Variants in MVB12B observed in about 807,000 individuals in gnomAD.
The protein encoded by MVB12B is multivesicular body subunit 12B.
MVB12B carries 16 observed loss-of-function variants against 41.6 expected under a neutral mutation model. The observed-to-expected ratio is 0.38, with a 90% CI of 0.26 to 0.58. The LOEUF is 0.58. MVB12B is among the 20% of genes least tolerant of loss of function. The pLI is 0.62. For synonymous variants in MVB12B, 133 were observed against 139.7 expected (o/e 0.95, Z 0.34); for missense variants, 274 against 380.2 (o/e 0.72, Z 2.32).
Position 126,376,332 on chromosome 9 carries a change from C to T in MVB12B, c.205-4732C>T, listed in dbSNP as rs560687979. The T allele has an allele frequency of 2.1e-5, 8 of 390,240 alleles. No homozygotes were observed. The East Asian group carries it at 2.9e-4, about 14-fold the overall frequency. 24.2% of individuals were successfully genotyped at this position (390,240 alleles called of 1,614,324 possible). ...TCTCTGTCCTGAGCCGGCACTGTTT[C>T]CCCCTATTCTCTTTGCTACCTTCAA... On this transcript the variant is annotated intron_variant, in intron 2 of 9. Coordinates refer to ENST00000361171, the MANE Select transcript of MVB12B (RefSeq NM_033446.3). The surrounding 1 kb of genome is among the most constrained non-coding windows in gnomAD (Gnocchi z 4.1).
chr9:126,376,236 A>G lies in MVB12B; in HGVS notation c.205-4828A>G, dbSNP rs1051873694. ...TGTTCCTTTTTAAAAACGTTTTCATAATACTCTGTTCTTGTTTGGTATTTG... is the reference window on the plus strand; with the variant it reads ...TGTTCCTTTTTAAAAACGTTTTCATGATACTCTGTTCTTGTTTGGTATTTG... On this transcript the variant is annotated intron_variant, in intron 2 of 9. Transcript: ENST00000361171. The surrounding 1 kb of genome is among the most constrained non-coding windows in gnomAD (Gnocchi z 4.1). 1.3e-5 allele frequency among the ~76,000 whole-genome samples: 2 copies of G among 152,092 alleles called. No individual in the cohort carries two copies. Among genetic ancestry groups the G allele is most frequent in the African/African-American group, 4.8e-5 (2 of 41,396 alleles).
At chr9:126,354,600 G>A (rs1829833239) in intron 2 of MVB12B, among the ~76,000 whole-genome samples, 1 of 152,206 alleles carries the variant, frequency 6.6e-6, no homozygotes, top group Non-Finnish European at 1.5e-5. Context: ...ACAATTAGAT[G>A]TCATGTGCCT....
intron 2 of MVB12B, among the ~76,000 whole-genome samples, chr9:126,363,970 TGAGGAGGAG>T (rs886753561): frequency 6.6e-6 from 1 of 152,130 alleles, no homozygotes; most frequent in Non-Finnish European, 1.5e-5. Flanking sequence ...CTGAGCCCCA[TGAGGAGGAG>T]GCCACAGAGC....
intron 7 of MVB12B, among the ~76,000 whole-genome samples, chr9:126,461,733 AGGCGTGGAGGTGGGAGCCTG>A (rs1283020626): frequency 6.6e-6 from 1 of 151,854 alleles, no homozygotes; most frequent in Non-Finnish European, 1.5e-5. Flanking sequence ...AAGGGAACCC[AGGCGTGGAGGTGGGAGCCTG>A]GGCGTGGAGG....
intron 4 of MVB12B, among the ~76,000 whole-genome samples, chr9:126,388,039 C>T (rs913566111): frequency 1.1e-4 from 17 of 152,170 alleles, no homozygotes; most frequent in Non-Finnish European, 1.5e-4. Context: ...ACTCACATAC[C>T]GTGCAATTCA....
At chr9:126,488,403 G>A (rs1027381938) in intron 9 of MVB12B, among the ~76,000 whole-genome samples, 7 of 151,100 alleles carry the variant, frequency 4.6e-5, no homozygotes, top group Non-Finnish European at 1.0e-4. Flanking sequence ...TTCAGGTTCA[G>A]GGGCATAGAC....
At chr9:126,393,698 C>T (rs1316290695) in intron 5 of MVB12B, among the ~76,000 whole-genome samples, 1 of 152,238 alleles carries the variant, frequency 6.6e-6, no homozygotes, top group African/African-American at 2.4e-5. Flanking sequence ...TCACTGTCTT[C>T]AGTCAACTGA....
chr9:126,430,243 C>G (rs1264288490), intron 7 of MVB12B, among the ~76,000 whole-genome samples: 1 of 152,176 alleles, frequency 6.6e-6, no homozygotes, highest in African/African-American at 2.4e-5. Flanking sequence ...GACCTCAGAC[C>G]TCACCTGCCT....
At position 126,459,220 on chromosome 9, in the gene MVB12B, C is replaced by T. The variant is rs575370700; in HGVS notation, c.758-22149C>T. The stretch of plus-strand genomic sequence containing the variant: ...ATTTCTTGATGCCTTGTCGTAAACT[C>T]AGAGTGTCACGAGCCTGGCCTGCTG... On this transcript the variant is annotated intron_variant, in intron 7 of 9. Coordinates refer to ENST00000361171, the MANE Select transcript of MVB12B (RefSeq NM_033446.3). This position sits in a 1 kb window ranked among gnomAD's most constrained non-coding sequence, Gnocchi z 4.3. 1.3e-5 allele frequency among the ~76,000 whole-genome samples: 2 copies of T among 152,346 alleles called. No homozygotes were observed. Among genetic ancestry groups the T allele is most frequent in the East Asian group, 3.9e-4 (2 of 5,176 alleles).
Position 126,449,070 on chromosome 9 carries a change from C to T in MVB12B, c.757+27122C>T, listed in dbSNP as rs569586856. Reference sequence around the variant, plus strand: ...GGCTGGACATGATCCCATAACTTGCCAATGCTCCCGTCAGCTGCCCAGTTC... The same window carrying T: ...GGCTGGACATGATCCCATAACTTGCTAATGCTCCCGTCAGCTGCCCAGTTC... On this transcript the variant is annotated intron_variant, in intron 7 of 9. Coordinates refer to ENST00000361171, the MANE Select transcript of MVB12B (RefSeq NM_033446.3). 4.6e-5 allele frequency among the ~76,000 whole-genome samples: 7 copies of T among 151,972 alleles called. No individual in the cohort carries two copies. In the South Asian group the frequency reaches 1.2e-3, roughly 27 times the overall value.
chr9:126,437,594 TG>T (rs1443878447), intron 7 of MVB12B, among the ~76,000 whole-genome samples: 1 of 152,238 alleles, frequency 6.6e-6, no homozygotes, highest in Non-Finnish European at 1.5e-5. Context: ...GAGACAGTTG[TG>T]GGGATTTTAA....
chr9:126,381,736 G>A (rs1365695433), intron 3 of MVB12B, among the ~76,000 whole-genome samples: 1 of 149,898 alleles, frequency 6.7e-6, no homozygotes, highest in South Asian at 2.1e-4. Flanking sequence ...ACCTACTAAG[G>A]TTTTTTTTTT....
chr9:126,383,034 G>A (rs539289436), intron 3 of MVB12B, among the ~76,000 whole-genome samples: 3 of 152,276 alleles, frequency 2.0e-5, no homozygotes, highest in African/African-American at 7.2e-5. Context: ...TATTGTTTTT[G>A]GAAAAAGAAT....
intron 9 of MVB12B, among the ~76,000 whole-genome samples, chr9:126,485,779 C>T (rs943565419): frequency 1.4e-5 from 2 of 146,444 alleles, no homozygotes; most frequent in Non-Finnish European, 3.0e-5. Flanking sequence ...AAACCCAGGA[C>T]TGGCATGCGG....
chr9:126,501,958 TC>T (rs1266499613), intron 9 of MVB12B, among the ~76,000 whole-genome samples: 1 of 151,968 alleles, frequency 6.6e-6, no homozygotes, highest in African/African-American at 2.4e-5. Context: ...CCTGCCGTGT[TC>T]CTGAGGGCCT....
chr9:126,401,830 G>C (rs139354690), intron 6 of MVB12B, among the ~76,000 whole-genome samples: 2 of 150,934 alleles, frequency 1.3e-5, no homozygotes, highest in African/African-American at 4.8e-5. Context: ...TAAGTCAGCA[G>C]TTGGGGCGGA....
rs981057935 is a variant in MVB12B, at chr9:126,505,370, G to T, written c.*2107G>T. On this transcript the variant is annotated 3_prime_UTR_variant, in exon 10 of 10. Transcript: ENST00000361171. ...CCGCTGCAGGCCCCTGTCGAGCTGGGGTCCCAGCCAGGTGCCCCCGCATGC... is the reference window on the plus strand; with the variant it reads ...CCGCTGCAGGCCCCTGTCGAGCTGGTGTCCCAGCCAGGTGCCCCCGCATGC... 5 of 152,304 alleles carry T rather than the reference G, an allele frequency of 3.3e-5. No individual in the cohort carries two copies. The highest frequency in any genetic ancestry group is 1.2e-4 in the African/African-American group (5 of 41,564). The allele number at this position is 152,304 out of a possible 1,614,324, so 9.4% of individuals were successfully genotyped here.
Position 126,468,625 on chromosome 9 carries a change from G to C in MVB12B, c.758-12744G>C, listed in dbSNP as rs554872039. On this transcript the variant is annotated intron_variant, in intron 7 of 9. Coordinates refer to ENST00000361171, the MANE Select transcript of MVB12B (RefSeq NM_033446.3). The surrounding 1 kb of genome is among the most constrained non-coding windows in gnomAD (Gnocchi z 4.3). ...ATTCTTACTGCCACTGCCCTCATCC[G>C]GGCCACCAGCGTCCCTCGCCTGGTT... Among the ~76,000 whole-genome samples the C allele has an allele frequency of 6.6e-6, 1 of 152,284 alleles. No individual in the cohort carries two copies. Among genetic ancestry groups the C allele is most frequent in the Admixed American group, 6.5e-5 (1 of 15,302 alleles).
Position 126,503,677 on chromosome 9 carries a change from C to T in MVB12B, c.*414C>T. On this transcript the variant is annotated 3_prime_UTR_variant, in exon 10 of 10. Coordinates refer to ENST00000361171, the MANE Select transcript of MVB12B (RefSeq NM_033446.3). ...CAGACCCCACTAAGCCGTTGAGTCTCTTCCTGGAAGACCCTGAGGGCCGGC... is the reference window on the plus strand; with the variant it reads ...CAGACCCCACTAAGCCGTTGAGTCTTTTCCTGGAAGACCCTGAGGGCCGGC... The T allele has an allele frequency of 4.7e-6, 1 of 211,486 alleles. No homozygotes were observed. Among genetic ancestry groups the T allele is most frequent in the South Asian group, 9.1e-5 (1 of 10,974 alleles). The allele number at this position is 211,486 out of a possible 1,614,324, so 13.1% of individuals were successfully genotyped here.
Sources: gnomAD v4.1 joint callset for allele counts (sites outside exome capture counted in the v4.1 genomes callset) on GRCh38, gnomAD v4.1.1 for gene constraint, Gnocchi (gnomAD v3.1) non-coding constraint, MANE v1.5 for transcripts, NCBI Gene and HGNC (gene_info 2026-07-23, HGNC 2026-07-21) for gene names.